The following CTNNA3 variants were observed in gnomAD, a reference collection of about 807,000 sequenced individuals.
CTNNA3 encodes the protein catenin alpha-3.
A neutral mutation model predicts 95.7 loss-of-function variants in CTNNA3; 76 were observed. The observed-to-expected ratio is 0.79, with a 90% CI of 0.66 to 0.96. The LOEUF (loss-of-function observed/expected upper bound fraction) is 0.96. Ranked by LOEUF, CTNNA3 falls within the 40% of genes least tolerant of loss-of-function variation. The pLI is 0.00. For synonymous variants in CTNNA3, 431 were observed against 374.4 expected, an observed-to-expected ratio of 1.15 and a Z score of -1.74; for missense variants, 1,191 against 1,089.8, an observed-to-expected ratio of 1.09 and a Z score of -1.31.
intron 12 of CTNNA3, among the ~76,000 whole-genome samples, chr10:66,358,520 C>T (rs1400196136): frequency 6.6e-6 from 1 of 152,134 alleles, no homozygotes; most frequent in Non-Finnish European, 1.5e-5. Context: ...GGTATACTTA[C>T]TCCATTTTTA....
intron 17 of CTNNA3, among the ~76,000 whole-genome samples, chr10:65,962,926 T>C (rs932949873): frequency 2.6e-5 from 4 of 152,202 alleles, no homozygotes; most frequent in Non-Finnish European, 4.4e-5. Context: ...ATGGTGTATA[T>C]GTGCCACATT....
At chr10:67,033,987 G>T (rs973421952) in intron 7 of CTNNA3, among the ~76,000 whole-genome samples, 4 of 152,114 alleles carry the variant, frequency 2.6e-5, no homozygotes, top group Non-Finnish European at 5.9e-5. Flanking sequence ...GGCCAGGCTG[G>T]TCTCAAATGC....
upstream of CTNNA3, among the ~76,000 whole-genome samples, chr10:67,697,463 A>C (rs1292354393): frequency 6.6e-6 from 1 of 152,196 alleles, no homozygotes; most frequent in Non-Finnish European, 1.5e-5. Context: ...GAGATATCCA[A>C]ATTCTATCAT....
chr10:67,692,001 C>T (rs1277624651), intron 1 of CTNNA3, among the ~76,000 whole-genome samples: 1 of 149,344 alleles, frequency 6.7e-6, no homozygotes, highest in African/African-American at 2.5e-5. Context: ...GCGCCTCTGC[C>T]CGGCCGCCCC....
intron 5 of CTNNA3, among the ~76,000 whole-genome samples, chr10:67,232,593 C>T (rs576800335): frequency 1.8e-4 from 27 of 152,050 alleles, no homozygotes; most frequent in African/African-American, 6.0e-4. Flanking sequence ...TAGGAAAAAA[C>T]TGCATCAACT....
chr10:67,102,578 G>C (rs896144270), intron 7 of CTNNA3, among the ~76,000 whole-genome samples: 21 of 151,602 alleles, frequency 1.4e-4, no homozygotes, highest in Non-Finnish European at 1.0e-4. Flanking sequence ...CTTCCTCCTA[G>C]CTCTCATTTA....
intron 5 of CTNNA3, among the ~76,000 whole-genome samples, chr10:67,265,704 A>G (rs1866796958): frequency 6.6e-6 from 1 of 152,186 alleles, no homozygotes; most frequent in African/African-American, 2.4e-5. Context: ...AGAGCAAGGA[A>G]AAAAAGTGGA....
intron 5 of CTNNA3, among the ~76,000 whole-genome samples, chr10:67,441,592 G>T (rs190518826): frequency 6.6e-6 from 1 of 152,086 alleles, no homozygotes; most frequent in South Asian, 2.1e-4. Context: ...ATACAATGGA[G>T]CTCCAATACA....
At chr10:67,372,883 A>G (rs1843532840) in intron 5 of CTNNA3, among the ~76,000 whole-genome samples, 2 of 152,218 alleles carry the variant, frequency 1.3e-5, no homozygotes. Context: ...ACTAAGCTTC[A>G]TAAGTGAAGG....
At chr10:66,886,733 T>C (rs527336299) in intron 7 of CTNNA3, among the ~76,000 whole-genome samples, 179 of 152,296 alleles carry the variant, frequency 1.2e-3, no homozygotes, top group African/African-American at 4.1e-3. Flanking sequence ...CTGCATCCCG[T>C]TTCCTGAATT....
rs540123183 is a variant in CTNNA3 at position 67,305,148 on chromosome 10, C to T, written c.580-85278G>A. Among the ~76,000 whole-genome samples, 17 of 151,856 alleles carry T rather than the reference C, an allele frequency of 1.1e-4. No homozygotes were observed. In the South Asian group the frequency reaches 3.3e-3, roughly 30 times the overall value. ...AAAATTAGCAGGGAGTGGTGGGGGG[C>T]GCCCGTAGTCCCAGCTACGTGGGAG... On this transcript the variant is annotated intron_variant, in intron 5 of 17. Coordinates refer to ENST00000433211, the MANE Select transcript of CTNNA3 (RefSeq NM_013266.4).
intron 15 of CTNNA3, among the ~76,000 whole-genome samples, chr10:66,023,020 T>G (rs2079254130): frequency 1.3e-5 from 2 of 152,226 alleles, no homozygotes; most frequent in Admixed American, 6.5e-5. Context: ...TCCAGTTATT[T>G]TATTGTTGTT....
chr10:67,391,577 A>T (rs1272295819), intron 5 of CTNNA3, among the ~76,000 whole-genome samples: 1 of 151,892 alleles, frequency 6.6e-6, no homozygotes, highest in African/African-American at 2.4e-5. Flanking sequence ...ATGGAACCAA[A>T]AAAGAGCCCA....
chr10:66,145,749 A>AT (rs1197315802), intron 13 of CTNNA3, among the ~76,000 whole-genome samples: 2 of 151,908 alleles, frequency 1.3e-5, no homozygotes, highest in East Asian at 1.9e-4. Flanking sequence ...AGTGTTTTTT[A>AT]TTTTTTTTCA....
intron 10 of CTNNA3, among the ~76,000 whole-genome samples, chr10:66,538,676 A>G (rs1185203434): frequency 6.6e-6 from 1 of 152,154 alleles, no homozygotes; most frequent in African/African-American, 2.4e-5. Context: ...TGTTAGATAG[A>G]CTAACCATTG....
rs375196705 is a variant in CTNNA3 at position 66,273,179 on chromosome 10, G to C, written c.1884+7291C>G. Reference sequence around the variant, plus strand: ...CTTTACAGCTTCTTTGGCATATCAGGATTGCCTGCATCACTACGTGCACTT... The same window carrying C: ...CTTTACAGCTTCTTTGGCATATCAGCATTGCCTGCATCACTACGTGCACTT... On this transcript the variant is annotated intron_variant, in intron 13 of 17. Coordinates refer to ENST00000433211, the MANE Select transcript of CTNNA3 (RefSeq NM_013266.4). 3.0e-4 allele frequency among the ~76,000 whole-genome samples: 46 copies of C among 152,144 alleles called. No individual in the cohort carries two copies. The South Asian group carries it at 9.1e-3, about 30-fold the overall frequency.
intron 15 of CTNNA3, among the ~76,000 whole-genome samples, chr10:66,008,014 G>T (rs7087052): frequency 0.093 from 14,064 of 151,832 alleles, 794 homozygotes; most frequent in Non-Finnish European, 0.13. Context: ...CTGAAAATAG[G>T]CCTCAACGTT....
chr10:67,399,389 T>C (rs1844835804), intron 5 of CTNNA3, among the ~76,000 whole-genome samples: 1 of 152,278 alleles, frequency 6.6e-6, no homozygotes, highest in Middle Eastern at 3.4e-3. Flanking sequence ...AATTGTCACA[T>C]TAAATCCCCT....
intron 1 of CTNNA3, among the ~76,000 whole-genome samples, chr10:67,726,446 A>ATATTATATATAATATATAAT (rs1483078483): frequency 8.9e-4 from 16 of 18,042 alleles, no homozygotes; most frequent in Non-Finnish European, 2.8e-3. Context: ...TATAATATAT[A>ATATTATATATAATATATAAT]ATATTATATA....
Sources: gnomAD v4.1 joint callset for allele counts (sites outside exome capture counted in the v4.1 genomes callset) on GRCh38, gnomAD v4.1.1 for gene constraint, MANE v1.5 for transcripts, NCBI Gene and HGNC (gene_info 2026-07-23, HGNC 2026-07-21) for gene names.